The following ATRN variants were observed in gnomAD, a reference collection of about 807,000 sequenced individuals.
The protein encoded by ATRN is attractin.
In ATRN, 54 loss-of-function variants were observed where a neutral mutation model predicts 178.7. The ratio of observed to expected loss-of-function variants is 0.30; its 90% confidence interval spans 0.24 to 0.38. The LOEUF (loss-of-function observed/expected upper bound fraction) is 0.38. ATRN is among the 10% of genes least tolerant of loss of function. The pLI is 1.00. For synonymous variants in ATRN, 636 were observed against 663.0 expected (o/e 0.96, Z 0.63); for missense variants, 1,443 against 1,815.1 (o/e 0.79, Z 3.73).
At position 3,649,172 on chromosome 20, in the gene ATRN, AG is replaced by A. The variant is rs1367089042; in HGVS notation, c.*2328del. 6.6e-6 allele frequency: 1 copy of A among 152,366 alleles called. No individual in the cohort carries two copies. Among genetic ancestry groups the A allele is most frequent in the Non-Finnish European group, 1.5e-5 (1 of 68,024 alleles). The allele number at this position is 152,366 out of a possible 1,614,324, so 9.4% of individuals were successfully genotyped here. A position where few individuals can be genotyped will look rare whatever the true frequency, so the allele number is the denominator to read the frequency against. On this transcript the variant is annotated 3_prime_UTR_variant, in exon 29 of 29. Coordinates refer to ENST00000262919, the MANE Select transcript of ATRN (RefSeq NM_139321.3). ...CCTCAGGGCAGAAAAAGGGAATGGC[AG>A]GGAGTAAGAGGCGCTGGGCTCGGAG...
chr20:3,537,697 T>C (rs1000855646), intron 2 of ATRN, among the ~76,000 whole-genome samples: 4 of 149,780 alleles, frequency 2.7e-5, no homozygotes, highest in African/African-American at 4.9e-5. Flanking sequence ...GTGTGTGATG[T>C]TCCCCTTCCT....
intron 1 of ATRN, among the ~76,000 whole-genome samples, chr20:3,497,474 T>A (rs1386733203): frequency 2.0e-5 from 3 of 152,048 alleles, no homozygotes; most frequent in African/African-American, 2.4e-5. Context: ...TTCTTTAAGA[T>A]TGTTGAATAT....
intron 18 of ATRN, among the ~76,000 whole-genome samples, chr20:3,586,032 G>A (rs1247505899): frequency 6.6e-6 from 1 of 152,120 alleles, no homozygotes; most frequent in Admixed American, 6.6e-5. Flanking sequence ...ATACGGCCCA[G>A]CAGTTTTACT....
In ATRN at chr20:3,649,995, C is replaced by T. The variant is rs1318858129; in HGVS notation, c.*3148C>T. On this transcript the variant is annotated 3_prime_UTR_variant, in exon 29 of 29. Coordinates refer to ENST00000262919, the MANE Select transcript of ATRN (RefSeq NM_139321.3). Reference sequence around the variant, plus strand: ...CAGCCTGGGGAGAAGCCTGTGCCTCCCCGTGTGGAGAGAAGGCAACCCCAG... The same window carrying T: ...CAGCCTGGGGAGAAGCCTGTGCCTCTCCGTGTGGAGAGAAGGCAACCCCAG... The T allele has an allele frequency of 2.0e-5, 3 of 152,182 alleles. No individual in the cohort carries two copies. Among genetic ancestry groups the T allele is most frequent in the Non-Finnish European group, 4.4e-5 (3 of 68,090 alleles). 9.4% of individuals were successfully genotyped at this position (152,182 alleles called of 1,614,324 possible). A position where few individuals can be genotyped will look rare whatever the true frequency, so the allele number is the denominator to read the frequency against.
At chr20:3,485,950 C>G (rs2084688226) in intron 1 of ATRN, among the ~76,000 whole-genome samples, 1 of 152,062 alleles carries the variant, frequency 6.6e-6, no homozygotes, top group South Asian at 2.1e-4. Context: ...GTGAGCTTTT[C>G]TTTTGGCAAG....
intron 1 of ATRN, among the ~76,000 whole-genome samples, chr20:3,524,849 T>A (rs1303402513): frequency 6.6e-6 from 1 of 152,210 alleles, no homozygotes; most frequent in Non-Finnish European, 1.5e-5. Flanking sequence ...ATAAGTTCTT[T>A]GAAACCAGTG....
chr20:3,509,443 A>G (rs1262620468), intron 1 of ATRN, among the ~76,000 whole-genome samples: 1 of 152,190 alleles, frequency 6.6e-6, no homozygotes, highest in Non-Finnish European at 1.5e-5. Flanking sequence ...TGTGTACCTA[A>G]TAATGTAACC....
At chr20:3,495,051 G>T (rs2084859814) in intron 1 of ATRN, among the ~76,000 whole-genome samples, 1 of 152,068 alleles carries the variant, frequency 6.6e-6, no homozygotes, top group South Asian at 2.1e-4. Flanking sequence ...CATTTATAAT[G>T]GTTGTAGCTT....
At chr20:3,591,146 C>A in intron 18 of ATRN, 23 bp from the exon 19 acceptor site, 1 of 1,612,864 alleles carries the variant, frequency 6.2e-7, no homozygotes, top group Non-Finnish European at 8.5e-7. Flanking sequence ...GGTACAGACC[C>A]CTTGAAACTC....
chr20:3,597,066 A>ATG (rs2086541073), intron 21 of ATRN, among the ~76,000 whole-genome samples: 1 of 134,376 alleles, frequency 7.4e-6, no homozygotes, highest in Admixed American at 8.1e-5. Flanking sequence ...CTTCATATAT[A>ATG]TATATATAAA....
At chr20:3,480,313 G>A (rs767888455) in intron 1 of ATRN, among the ~76,000 whole-genome samples, 2 of 152,156 alleles carry the variant, frequency 1.3e-5, no homozygotes, top group African/African-American at 2.4e-5. Flanking sequence ...CTCTGTGGGC[G>A]TTTAGAAGGA....
chr20:3,532,436 G>A (rs2085466921), intron 1 of ATRN, among the ~76,000 whole-genome samples: 1 of 152,204 alleles, frequency 6.6e-6, no homozygotes, highest in African/African-American at 2.4e-5. Context: ...CATTCTTGGT[G>A]TTGGCTTTGT....
At position 3,591,261 on chromosome 20, in the gene ATRN, A is replaced by T; in HGVS notation, c.3277A>T (p.Ile1093Leu). ...LTTGKHCETC[I>L]SGFYGDPTNG... ...CACAGGCAAGCACTGCGAGACCTGC[A>T]TATCTGGCTTCTACGGTGATCCCAC... The change falls in exon 19 of 29, where the codon ATA becomes TTA. Residue 1093 changes from isoleucine (I) to leucine (L), a missense_variant. Physicochemically the swap from Ile to Leu is conservative, Grantham distance 5. Transcript: ENST00000262919. The T allele has an allele frequency of 4.3e-6, 7 of 1,614,194 alleles. No individual in the cohort carries two copies. The highest frequency in any genetic ancestry group is 5.9e-6 in the Non-Finnish European group (7 of 1,180,016).
chr20:3,642,554 A>G (rs922345175), intron 27 of ATRN, among the ~76,000 whole-genome samples: 1 of 152,088 alleles, frequency 6.6e-6, no homozygotes, highest in African/African-American at 2.4e-5. Flanking sequence ...CTCTGCCACT[A>G]TTCCCACTTG....
chr20:3,582,274 T>C lies in ATRN; in HGVS notation c.2684T>C (p.Ile895Thr). The part of the protein sequence containing the change: ...SEPSDAGFCG[I>T]LSEPSTRGLK... Reference sequence around the variant, plus strand: ...CCCAGTGATGCTGGATTCTGTGGAATTTTATCAGAACCCAGTACTCGGGGA... The same window carrying C: ...CCCAGTGATGCTGGATTCTGTGGAACTTTATCAGAACCCAGTACTCGGGGA... The change falls in exon 16 of 29, where the codon ATT becomes ACT. Residue 895 changes from isoleucine (I) to threonine (T), a missense_variant. Ile to Thr is a moderately conservative substitution (Grantham distance 89). Around this residue, in one of 4 missense-constraint regions of ATRN, gnomAD observed 212 missense variants for 330.7 expected, o/e 0.64. Transcript: ENST00000262919. The C allele has an allele frequency of 6.2e-7, 1 of 1,613,320 alleles. No individual in the cohort carries two copies. Among genetic ancestry groups the C allele is most frequent in the South Asian group, 1.1e-5 (1 of 91,054 alleles).
chr20:3,570,678 A>C (rs942426618), intron 11 of ATRN, among the ~76,000 whole-genome samples: 9 of 152,180 alleles, frequency 5.9e-5, no homozygotes, highest in Non-Finnish European at 1.3e-4. Flanking sequence ...AGTTTATCTG[A>C]TACTACCCTC....
intron 24 of ATRN, among the ~76,000 whole-genome samples, chr20:3,612,809 T>C (rs2086784520): frequency 1.3e-5 from 2 of 152,234 alleles, no homozygotes; most frequent in Non-Finnish European, 2.9e-5. Flanking sequence ...TTGTTGCTTA[T>C]AGCTGACAAA....
At chr20:3,633,887 CT>C (rs960192149) in intron 25 of ATRN, among the ~76,000 whole-genome samples, 2 of 151,944 alleles carry the variant, frequency 1.3e-5, no homozygotes, top group African/African-American at 4.9e-5. Context: ...TTGCCTCTTC[CT>C]TATGAAAAGT....
At chr20:3,520,382 A>C (rs1419465942) in intron 1 of ATRN, among the ~76,000 whole-genome samples, 2 of 152,208 alleles carry the variant, frequency 1.3e-5, no homozygotes, top group African/African-American at 4.8e-5. Context: ...AAATTATAGT[A>C]AAGACATATG....
Sources: gnomAD v4.1 joint callset for allele counts (sites outside exome capture counted in the v4.1 genomes callset) on GRCh38, gnomAD v4.1.1 for gene constraint, gnomAD v4.1.1 regional missense constraint, MANE v1.5 for transcripts, NCBI Gene and HGNC (gene_info 2026-07-23, HGNC 2026-07-21) for gene names.